PARPBP: variants seen among roughly 807,000 people sequenced by gnomAD.
The protein encoded by PARPBP is PCNA-interacting partner.
Under a neutral mutation model 50.0 loss-of-function variants are expected in PARPBP, and 52 were observed. The observed-to-expected ratio is 1.04, with a 90% CI of 0.83 to 1.31. The LOEUF is 1.31. Among genes scored for constraint, PARPBP ranks in the 50% most tolerant of loss-of-function variants. PARPBP has a pLI of 0.00. For missense variants in PARPBP, 697 were observed against 672.0 expected (o/e 1.04, Z -0.41); for synonymous variants, 244 against 232.1 (o/e 1.05, Z -0.47).
rs1594408742 is a variant in PARPBP, at chr12:102,120,212, C to T, written c.-78C>T. On this transcript the variant is annotated 5_prime_UTR_variant, in exon 1 of 11. Coordinates refer to ENST00000327680, the MANE Select transcript of PARPBP (RefSeq NM_017915.5). ...TCAGCGGCGACAGCGGCGACTGCGG[C>T]GGCCGCGGGAGGGCATCCCGTTGGG... 1 of 225,410 alleles carries T rather than the reference C, an allele frequency of 4.4e-6. No homozygotes were observed. The highest frequency in any genetic ancestry group is 1.4e-4 in the East Asian group (1 of 6,984). 14.0% of individuals were successfully genotyped at this position (225,410 alleles called of 1,614,324 possible).
intron 4 of PARPBP, among the ~76,000 whole-genome samples, chr12:102,159,911 C>T (rs943701943): frequency 2.0e-5 from 3 of 152,194 alleles, no homozygotes; most frequent in Admixed American, 2.0e-4. Context: ...TATCAGAAAG[C>T]TTAAATAAAA....
intron 4 of PARPBP, among the ~76,000 whole-genome samples, chr12:102,157,001 C>T (rs1887023533): frequency 6.6e-6 from 1 of 152,178 alleles, no homozygotes; most frequent in Non-Finnish European, 1.5e-5. Flanking sequence ...CCAAAATCAC[C>T]TGTTCCAGTA....
chr12:102,195,503 G>A, intron 10 of PARPBP, 56 bp downstream of exon 10: 1 of 1,353,166 alleles, frequency 7.4e-7, no homozygotes. Context: ...CTACTAATTA[G>A]TTTTAACTTA....
At chr12:102,141,681 G>A (rs1884629627) in intron 2 of PARPBP, among the ~76,000 whole-genome samples, 1 of 152,076 alleles carries the variant, frequency 6.6e-6, no homozygotes. Flanking sequence ...GGCAGGTCTG[G>A]TGGTGACAAA....
rs149302473 is a variant in PARPBP, at chr12:102,165,762, G to A, written c.700G>A (p.Gly234Arg). The A allele has an allele frequency of 3.7e-6, 6 of 1,609,512 alleles. No homozygotes were observed. The African/African-American group carries it at 8.0e-5, about 21-fold the overall frequency. The change falls in exon 6 of 11, where the codon GGA becomes AGA. Residue 234 changes from glycine to arginine, a missense_variant. Gly to Arg is a moderately radical substitution (Grantham distance 125). Coordinates refer to ENST00000327680, the MANE Select transcript of PARPBP (RefSeq NM_017915.5). ...ATSFIRTIEL[G>R]GKGYAPPPSD... is the part of the protein sequence containing the mutation. ...GTCTTTTATTAGAACAATAGAGCTT[G>A]GAGGGAAAGGATATGCACCACCACC... is the stretch of plus-strand genomic sequence containing the variant.
intron 3 of PARPBP, among the ~76,000 whole-genome samples, chr12:102,151,209 C>A (rs1886142393): frequency 6.6e-6 from 1 of 152,040 alleles, no homozygotes; most frequent in African/African-American, 2.4e-5. Context: ...TCAAGAATAG[C>A]ACCTCAACAT....
intron 4 of PARPBP, among the ~76,000 whole-genome samples, chr12:102,158,939 A>G (rs890939638): frequency 1.3e-5 from 2 of 152,146 alleles, no homozygotes; most frequent in Non-Finnish European, 2.9e-5. Flanking sequence ...TGATAGTTTC[A>G]TTGTGTTAAT....
At chr12:102,151,067 A>G (rs1268733911) in intron 3 of PARPBP, among the ~76,000 whole-genome samples, 2 of 151,886 alleles carry the variant, frequency 1.3e-5, no homozygotes, top group East Asian at 3.9e-4. Flanking sequence ...GAAGAAAACA[A>G]CACACCATTT....
rs761128374 is a variant in PARPBP, at chr12:102,196,692, C to T, written c.*401C>T. On this transcript the variant is annotated 3_prime_UTR_variant, in exon 11 of 11. Coordinates refer to ENST00000327680, the MANE Select transcript of PARPBP (RefSeq NM_017915.5). The stretch of plus-strand genomic sequence containing the variant: ...AGGTCGGTAGACTCTTCCCAGCATA[C>T]ATCTGAGCACTGAAGGAAGAAGAAA... 4 of 1,607,720 alleles carry T rather than the reference C, an allele frequency of 2.5e-6. No homozygotes were observed. The highest frequency in any genetic ancestry group is 1.1e-5 in the South Asian group (1 of 90,894).
Position 102,196,423 on chromosome 12 carries a change from T to C in PARPBP, c.*132T>C, listed in dbSNP as rs1891322877. 2.7e-6 allele frequency: 2 copies of C among 727,518 alleles called. No individual in the cohort carries two copies. The highest frequency in any genetic ancestry group is 1.8e-5 in the African/African-American group (1 of 56,072). The allele number at this position is 727,518 out of a possible 1,614,324, so 45.1% of individuals were successfully genotyped here. A position where few individuals can be genotyped will look rare whatever the true frequency, so the allele number is the denominator to read the frequency against. On this transcript the variant is annotated 3_prime_UTR_variant, in exon 11 of 11. Transcript: ENST00000327680. ...GTCTACAGTGTATGTAAGGTTAGTA[T>C]GTTAAGCATTGTTTAAAAATACTAG...
Position 102,148,302 on chromosome 12 carries a change from A to T in PARPBP, c.226A>T (p.Asn76Tyr), listed in dbSNP as rs750485473. ...TWKYLLHEKLNLPVENMDVTD... is the reference protein window; with the variant it reads ...TWKYLLHEKLYLPVENMDVTD... The stretch of plus-strand genomic sequence containing the variant: ...GAAATACTTGCTCCATGAGAAATTG[A>T]ACTTACCAGTTGAAAACATGGACGT... Residue 76 changes from asparagine to tyrosine, a missense_variant, in exon 3 of 11, where the codon AAC becomes TAC. By Grantham distance (143) the Asn-to-Tyr change is moderately radical. Transcript: ENST00000327680. 6.2e-7 allele frequency: 1 copy of T among 1,608,354 alleles called. No homozygotes were observed. Among genetic ancestry groups the T allele is most frequent in the Non-Finnish European group, 8.5e-7 (1 of 1,175,600 alleles).
At chr12:102,170,619 A>C (rs187913913) in intron 6 of PARPBP, among the ~76,000 whole-genome samples, 3 of 152,340 alleles carry the variant, frequency 2.0e-5, no homozygotes, top group South Asian at 2.1e-4. Context: ...GTGGTGAGTG[A>C]ATATGAAGGC....
rs1167851535 is a variant in PARPBP at position 102,147,337 on chromosome 12, C to G, written c.154-893C>G. On this transcript the variant is annotated intron_variant, in intron 2 of 10. Transcript: ENST00000327680. Reference sequence around the variant, plus strand: ...AACCCAAATGTCCAACAATGATAGACTGGATTAAGAAAATGTGGCACATAT... The same window carrying G: ...AACCCAAATGTCCAACAATGATAGAGTGGATTAAGAAAATGTGGCACATAT... Among the ~76,000 whole-genome samples, 9 of 152,120 alleles carry G rather than the reference C, an allele frequency of 5.9e-5. No individual in the cohort carries two copies. In the East Asian group the frequency reaches 1.5e-3, roughly 26 times the overall value.
intron 9 of PARPBP, among the ~76,000 whole-genome samples, chr12:102,192,979 A>G (rs915131661): frequency 3.4e-4 from 52 of 151,742 alleles, no homozygotes; most frequent in African/African-American, 1.0e-3. Flanking sequence ...ATTTTAATAT[A>G]TTTATAAATA....
intron 6 of PARPBP, among the ~76,000 whole-genome samples, chr12:102,170,671 A>G (rs1279396619): frequency 1.3e-5 from 2 of 152,232 alleles, no homozygotes; most frequent in South Asian, 2.1e-4. Flanking sequence ...TATACACATT[A>G]TAAACCTAGG....
chr12:102,143,272 G>C (rs903335749), intron 2 of PARPBP, among the ~76,000 whole-genome samples: 4 of 152,158 alleles, frequency 2.6e-5, no homozygotes, highest in Non-Finnish European at 4.4e-5. Context: ...TGTGGGCGTG[G>C]GACCCTCTTA....
rs907570236 is a variant in PARPBP, at chr12:102,179,200, G to A, written c.1184+430G>A. Among the ~76,000 whole-genome samples the A allele has an allele frequency of 1.6e-4, 25 of 152,294 alleles. No homozygotes were observed. The East Asian group carries it at 3.9e-3, about 24-fold the overall frequency. Reference sequence around the variant, plus strand: ...CCCAAGTGAGGTATGTTAGCAATTAGCAAGGGTGTCTTTCTTAAAGCCTGA... The same window carrying A: ...CCCAAGTGAGGTATGTTAGCAATTAACAAGGGTGTCTTTCTTAAAGCCTGA... On this transcript the variant is annotated intron_variant, in intron 8 of 10. Coordinates refer to ENST00000327680, the MANE Select transcript of PARPBP (RefSeq NM_017915.5).
At chr12:102,181,588 A>G (rs997689445) in intron 8 of PARPBP, among the ~76,000 whole-genome samples, 15 of 152,172 alleles carry the variant, frequency 9.9e-5, no homozygotes, top group Non-Finnish European at 2.9e-5. Flanking sequence ...AATATGTGGT[A>G]TGTTGTTGAC....
At chr12:102,189,068 A>C (rs376082747) in intron 9 of PARPBP, among the ~76,000 whole-genome samples, 3 of 152,198 alleles carry the variant, frequency 2.0e-5, no homozygotes, top group East Asian at 3.9e-4. Context: ...ACGTATGCCT[A>C]ATTGGAGTCC....
Sources: allele counts gnomAD v4.1 joint callset (sites outside exome capture counted in the v4.1 genomes callset), GRCh38; gene constraint gnomAD v4.1.1; transcripts MANE v1.5; gene names NCBI Gene and HGNC (gene_info 2026-07-23, HGNC 2026-07-21).